Variants in TTC17 observed in about 807,000 individuals in gnomAD.
TTC17 encodes tetratricopeptide repeat protein 17.
In TTC17, 58 loss-of-function variants were observed where a neutral mutation model predicts 143.8. The ratio of observed to expected loss-of-function variants is 0.40; its 90% CI spans 0.33 to 0.50. TTC17 has a LOEUF of 0.50. Among genes scored for constraint, TTC17 ranks in the 20% least tolerant of loss-of-function variants. The probability of loss-of-function intolerance (pLI) is 0.49; values close to 1 mark genes in which losing one functional copy is unlikely to be tolerated. For missense variants in TTC17, 1,273 were observed against 1,392.5 expected (o/e 0.91, Z 1.37); for synonymous variants, 501 against 497.8 (o/e 1.01, Z -0.09).
At chr11:43,464,408 C>G (rs2134803974) in intron 21 of TTC17, among the ~76,000 whole-genome samples, 1 of 152,060 alleles carries the variant, frequency 6.6e-6, no homozygotes, top group East Asian at 1.9e-4. Flanking sequence ...TGGGAATTTC[C>G]CTGTAACTTG....
chr11:43,481,527 G>A (rs971385963), intron 21 of TTC17, among the ~76,000 whole-genome samples: 1 of 152,056 alleles, frequency 6.6e-6, no homozygotes, highest in African/African-American at 2.4e-5. Flanking sequence ...TTTGTGGGAG[G>A]TTTTTAATTA....
chr11:43,359,070 C>G lies in TTC17; in HGVS notation c.116C>G (p.Thr39Ser), dbSNP rs138325557. 6.3e-7 allele frequency: 1 copy of G among 1,591,120 alleles called. No homozygotes were observed. The highest frequency in any genetic ancestry group is 8.5e-7 in the Non-Finnish European group (1 of 1,170,348). Reference sequence around the variant, plus strand: ...GTGGCGGCACGAGGGGCCTTCGCCACCACGCACTGGGTCGTCACGGAGGAC... The same window carrying G: ...GTGGCGGCACGAGGGGCCTTCGCCAGCACGCACTGGGTCGTCACGGAGGAC... ...LSVAARGAFA[T>S]THWVVTEDGK... is the part of the protein sequence containing the mutation. The change falls in exon 1 of 24, where the codon ACC (threonine) becomes AGC (serine). Residue 39 changes from threonine to serine, a missense_variant. Around this residue, in one of 3 missense-constraint regions of TTC17, gnomAD observed 325 missense variants for 444.2 expected, o/e 0.73. Coordinates refer to ENST00000039989, the MANE Select transcript of TTC17 (RefSeq NM_018259.6).
At chr11:43,422,219 A>G (rs140998406) in intron 16 of TTC17, among the ~76,000 whole-genome samples, 61 of 152,254 alleles carry the variant, frequency 4.0e-4, no homozygotes, top group African/African-American at 1.3e-3. Flanking sequence ...TAAATTTGGA[A>G]CCTGAGCAAT....
intron 16 of TTC17, chr11:43,436,399 C>T: frequency 8.3e-7 from 1 of 1,201,242 alleles, no homozygotes. Flanking sequence ...TAAGCTTAGG[C>T]TTTTCTCTAC....
chr11:43,388,897 G>C (rs1043527463), intron 2 of TTC17, among the ~76,000 whole-genome samples: 2 of 151,586 alleles, frequency 1.3e-5, no homozygotes, highest in Non-Finnish European at 2.9e-5. Context: ...GATCCCCTGA[G>C]CCCTGGAGTT....
chr11:43,407,525 A>T lies in TTC17; in HGVS notation c.2012A>T (p.His671Leu), dbSNP rs556497051. Residue 671 changes from histidine (H) to leucine (L), a missense_variant, in exon 15 of 24, where the codon CAT (histidine) becomes CTT (leucine). His to Leu is a moderately conservative substitution (Grantham distance 99, BLOSUM62 -3). This residue lies in a region of TTC17 where 878 missense variants were observed against 899.8 expected (regional missense o/e 0.98). Coordinates refer to ENST00000039989, the MANE Select transcript of TTC17 (RefSeq NM_018259.6). ...LANLLIHYGL[H>L]LDATKLLLQA... The stretch of plus-strand genomic sequence containing the variant: ...AACCTTTTGATTCATTACGGCCTTC[A>T]TCTTGATGCCACTAAGCTGCTACTT... 1 of 1,614,000 alleles carries T rather than the reference A, an allele frequency of 6.2e-7. No individual in the cohort carries two copies. The highest frequency in any genetic ancestry group is 8.5e-7 in the Non-Finnish European group (1 of 1,179,950).
At chr11:43,465,887 T>C (rs1947962396) in intron 21 of TTC17, among the ~76,000 whole-genome samples, 2 of 152,154 alleles carry the variant, frequency 1.3e-5, no homozygotes, top group East Asian at 3.8e-4. Flanking sequence ...ATTTCTTGGA[T>C]ATGACACCAA....
chr11:43,450,204 C>G lies in TTC17; in HGVS notation c.2909C>G (p.Ala970Gly). The change falls in exon 20 of 24, where the codon GCC becomes GGC. Residue 970 changes from alanine (A) to glycine (G), a missense_variant. Physicochemically the swap from Ala to Gly is moderately conservative, Grantham distance 60. This residue lies in a region of TTC17 where 878 missense variants were observed against 899.8 expected (regional missense o/e 0.98). Transcript: ENST00000039989. ...CACTTGCATGGGGTTTCCAACCGAG[C>G]CAGCCTGCACTACACAGGGGAGAGT... ...LDHLHGVSNR[A>G]SLHYTGESQL... 6.2e-7 allele frequency: 1 copy of G among 1,614,126 alleles called. No individual in the cohort carries two copies. The highest frequency in any genetic ancestry group is 1.1e-5 in the South Asian group (1 of 91,088).
At chr11:43,375,632 G>A (rs189742284) in intron 1 of TTC17, among the ~76,000 whole-genome samples, 1 of 151,516 alleles carries the variant, frequency 6.6e-6, no homozygotes, top group East Asian at 1.9e-4. Context: ...CGTGTACCTA[G>A]ATGAATACCA....
At chr11:43,432,605 G>C (rs1049956203) in intron 16 of TTC17, among the ~76,000 whole-genome samples, 1 of 152,174 alleles carries the variant, frequency 6.6e-6, no homozygotes, top group Non-Finnish European at 1.5e-5. Flanking sequence ...GTTAGTGTAA[G>C]TCATAGAATC....
intron 16 of TTC17, among the ~76,000 whole-genome samples, chr11:43,431,005 A>G (rs567276279): frequency 6.6e-5 from 10 of 152,104 alleles, no homozygotes; most frequent in African/African-American, 2.4e-4. Flanking sequence ...GCTCCCACTT[A>G]TGAGTGAGAA....
intron 21 of TTC17, among the ~76,000 whole-genome samples, chr11:43,484,940 G>A (rs983169563): frequency 4.6e-5 from 7 of 151,838 alleles, no homozygotes; most frequent in African/African-American, 9.7e-5. Flanking sequence ...TAGGTTGCAC[G>A]GAAGTTCCTT....
chr11:43,483,868 G>A (rs577718934), intron 21 of TTC17, among the ~76,000 whole-genome samples: 29 of 152,306 alleles, frequency 1.9e-4, no homozygotes, highest in East Asian at 1.7e-3. Context: ...TAGGCTGGGC[G>A]CAGTGGCTCA....
rs142928324 is a variant in TTC17, at chr11:43,441,227, C to T, written c.2252-2098C>T. 3.4e-3 allele frequency among the ~76,000 whole-genome samples: 506 copies of T among 150,840 alleles called. 5 individuals are homozygous for T. The highest frequency in any genetic ancestry group is 0.012 in the African/African-American group (473 of 40,670). ...CAGAGGTTTAAGTGAGCTGAGATCACACCACTGCATTGCGCTCCAGCCTGG... is the reference window on the plus strand; with the variant it reads ...CAGAGGTTTAAGTGAGCTGAGATCATACCACTGCATTGCGCTCCAGCCTGG... On this transcript the variant is annotated intron_variant, in intron 16 of 23. Coordinates refer to ENST00000039989, the MANE Select transcript of TTC17 (RefSeq NM_018259.6).
At chr11:43,485,890 T>G (rs538468375) in intron 21 of TTC17, among the ~76,000 whole-genome samples, 67 of 149,892 alleles carry the variant, frequency 4.5e-4, no homozygotes, top group South Asian at 3.4e-3. Context: ...TTTGTTTTTT[T>G]TTTTTTTTTT....
intron 21 of TTC17, among the ~76,000 whole-genome samples, chr11:43,482,510 GATAGC>G (rs1269135706): frequency 6.6e-6 from 1 of 151,812 alleles, no homozygotes; most frequent in Non-Finnish European, 1.5e-5. Context: ...TTCTTTAATT[GATAGC>G]TAGTTTAACT....
At chr11:43,448,268 C>G (rs777351924) in intron 19 of TTC17, 146 bp downstream of exon 19, 16 of 1,173,460 alleles carry the variant, frequency 1.4e-5, no homozygotes, top group Non-Finnish European at 1.9e-5. Flanking sequence ...GACCATGGCC[C>G]CCAGGTGGAC....
intron 10 of TTC17, among the ~76,000 whole-genome samples, chr11:43,402,573 T>TA (rs560098730): frequency 8.1e-5 from 12 of 147,684 alleles, no homozygotes; most frequent in South Asian, 4.3e-4. Flanking sequence ...ATTCTGAGTA[T>TA]AAAAAAAAAA....
intron 21 of TTC17, among the ~76,000 whole-genome samples, chr11:43,464,539 TG>T (rs1383172863): frequency 2.0e-5 from 3 of 152,220 alleles, no homozygotes; most frequent in African/African-American, 7.2e-5. Flanking sequence ...AATGAAAAGC[TG>T]GGAACAGTAT....
Sources: allele counts gnomAD v4.1 joint callset (sites outside exome capture counted in the v4.1 genomes callset), GRCh38; gene constraint gnomAD v4.1.1; regional missense constraint gnomAD v4.1.1; transcripts MANE v1.5; gene names NCBI Gene and HGNC (gene_info 2026-07-23, HGNC 2026-07-21).